The following PHF2 variants were observed in gnomAD, a reference collection of about 807,000 sequenced individuals.
PHF2 encodes PHD finger protein 2, also known as lysine-specific demethylase PHF2.
In PHF2, 27 loss-of-function variants were observed where a neutral mutation model predicts 120.5. The observed-to-expected ratio is 0.22, with a 90% CI of 0.17 to 0.31. The LOEUF is 0.31. Among genes scored for constraint, PHF2 ranks in the 10% least tolerant of loss-of-function variants. The probability of loss-of-function intolerance (pLI) is 1.00; values close to 1 mark genes in which losing one functional copy is unlikely to be tolerated. For synonymous variants in PHF2, 568 were observed against 592.5 expected (o/e 0.96, Z 0.60); for missense variants, 1,024 against 1,434.8 (o/e 0.71, Z 4.63).
At chr9:93,647,431 A>G (rs754881457) in intron 4 of PHF2, among the ~76,000 whole-genome samples, 5 of 151,976 alleles carry the variant, frequency 3.3e-5, no homozygotes, top group Non-Finnish European at 7.4e-5. Context: ...TGTTGCTTCT[A>G]TGTCTTTCTT....
At chr9:93,673,476 T>G (rs2118133494) in intron 17 of PHF2, 109 bp from the exon 18 acceptor site, 5 of 1,007,546 alleles carry the variant, frequency 5.0e-6, no homozygotes, top group Non-Finnish European at 5.6e-6. Flanking sequence ...GCCTGCCACC[T>G]GGGCCAGGAG....
At position 93,630,071 on chromosome 9, in the gene PHF2, C is replaced by CA. The variant is rs1825974391; in HGVS notation, c.184+18dup. ...AAGTCCACCTGTAAGTACCGCAGCCCAAGCGGCCATCTCTTGCGGAAGAGA... is the reference window on the plus strand; with the variant it reads ...AAGTCCACCTGTAAGTACCGCAGCCCAAAGCGGCCATCTCTTGCGGAAGAGA... On this transcript the variant is annotated intron_variant, in intron 2 of 21. Transcript: ENST00000359246. The CA allele has an allele frequency of 6.2e-7, 1 of 1,610,882 alleles. No individual in the cohort carries two copies. Among genetic ancestry groups the CA allele is most frequent in the South Asian group, 1.1e-5 (1 of 90,964 alleles).
chr9:93,618,964 A>G (rs1825779335), intron 1 of PHF2, among the ~76,000 whole-genome samples: 1 of 2,514 alleles, frequency 4.0e-4, no homozygotes, highest in African/African-American at 1.6e-3. Context: ...CCCAGGCCTC[A>G]CTCTAGTGCT....
intron 1 of PHF2, among the ~76,000 whole-genome samples, chr9:93,604,273 C>A (rs1243797881): frequency 2.7e-5 from 4 of 150,648 alleles, no homozygotes; most frequent in African/African-American, 9.7e-5. Flanking sequence ...GTGGGAGGAG[C>A]CCTGGAGGAG....
At position 93,677,798 on chromosome 9, in the gene PHF2, C is replaced by T. The variant is rs1826947325; in HGVS notation, c.*122C>T. On this transcript the variant is annotated 3_prime_UTR_variant, in exon 22 of 22. Transcript: ENST00000359246. The surrounding 1 kb of genome is among the most constrained non-coding windows in gnomAD (Gnocchi z 4.4). ...GAGGGCCTTGCCTCTTCCCGGCTGC[C>T]ATCTCCCCAACAAGCGTCTGTCCCT... The T allele has an allele frequency of 5.8e-6, 4 of 691,884 alleles. No homozygotes were observed. The highest frequency in any genetic ancestry group is 1.0e-5 in the Non-Finnish European group (4 of 394,966). 42.9% of individuals were successfully genotyped at this position (691,884 alleles called of 1,614,324 possible).
At chr9:93,620,036 G>T (rs1825799988) in intron 1 of PHF2, among the ~76,000 whole-genome samples, 1 of 152,206 alleles carries the variant, frequency 6.6e-6, no homozygotes, top group Admixed American at 6.5e-5. Context: ...TCAGCCAAAT[G>T]CCCTGCTCTC....
At chr9:93,654,338 G>A (rs758099306) in intron 6 of PHF2, 75 bp from the exon 7 acceptor site, 14 of 1,462,052 alleles carry the variant, frequency 9.6e-6, no homozygotes, top group African/African-American at 6.9e-5. Flanking sequence ...TACTTTTCAC[G>A]TTAGGACCTG....
intron 1 of PHF2, among the ~76,000 whole-genome samples, chr9:93,579,357 T>A (rs745871094): frequency 7.9e-5 from 12 of 152,174 alleles, no homozygotes; most frequent in Non-Finnish European, 1.3e-4. Context: ...ACAAAAGAGT[T>A]CCAAAAATGG....
intron 4 of PHF2, among the ~76,000 whole-genome samples, chr9:93,646,543 T>C (rs1282406489): frequency 6.6e-6 from 1 of 152,204 alleles, no homozygotes; most frequent in Admixed American, 6.5e-5. Flanking sequence ...GCAGGCACAC[T>C]GGCCTCTCAG....
intron 1 of PHF2, among the ~76,000 whole-genome samples, chr9:93,601,487 A>G (rs1825437271): frequency 6.6e-6 from 1 of 152,108 alleles, no homozygotes; most frequent in Non-Finnish European, 1.5e-5. Flanking sequence ...TCTTTATTTG[A>G]TAAATAAAAG....
At chr9:93,578,900 C>T (rs935894324) in intron 1 of PHF2, among the ~76,000 whole-genome samples, 1 of 152,174 alleles carries the variant, frequency 6.6e-6, no homozygotes, top group Non-Finnish European at 1.5e-5. Flanking sequence ...TTATTCTCAC[C>T]TATTTGGGGT....
chr9:93,617,328 C>T (rs1825745553), intron 1 of PHF2, among the ~76,000 whole-genome samples: 1 of 152,198 alleles, frequency 6.6e-6, no homozygotes, highest in Non-Finnish European at 1.5e-5. Flanking sequence ...GTGAGAAAGC[C>T]ACTGTGTCCT....
In PHF2 at chr9:93,587,396, C is replaced by T. The variant is rs894086098; in HGVS notation, c.98+10525C>T. On this transcript the variant is annotated intron_variant, in intron 1 of 21. Transcript: ENST00000359246. ...GGACGGAGGAGCCTCAGATGAGGGACGGAGGAGCCCCAGGTGAGGGACGGA... is the reference window on the plus strand; with the variant it reads ...GGACGGAGGAGCCTCAGATGAGGGATGGAGGAGCCCCAGGTGAGGGACGGA... Among the ~76,000 whole-genome samples, 13 of 127,764 alleles carry T rather than the reference C, an allele frequency of 1.0e-4. 1 individual carries two copies. Among genetic ancestry groups the T allele is most frequent in the Middle Eastern group, 7.1e-3 (1 of 140 alleles). The allele number at this position is 127,764 out of a possible 152,430, so 83.8% of individuals were successfully genotyped here. A position where few individuals can be genotyped will look rare whatever the true frequency, so the allele number is the denominator to read the frequency against.
At position 93,656,440 on chromosome 9, in the gene PHF2, G is replaced by T; in HGVS notation, c.1041-49G>T. ...GGGGCCTGGATTGATGCCCAGCGTC[G>T]CCTGCTTGATGGTCAGTGCACTGAG... On this transcript the variant is annotated intron_variant, in intron 8 of 21. Transcript: ENST00000359246. The surrounding 1 kb of genome is among the most constrained non-coding windows in gnomAD (Gnocchi z 4.1). The T allele has an allele frequency of 7.6e-7, 1 of 1,313,158 alleles. No homozygotes were observed. The highest frequency in any genetic ancestry group is 1.1e-6 in the Non-Finnish European group (1 of 909,320). 81.3% of individuals were successfully genotyped at this position (1,313,158 alleles called of 1,614,324 possible). A position where few individuals can be genotyped will look rare whatever the true frequency, so the allele number is the denominator to read the frequency against.
At chr9:93,599,833 G>A (rs10992797) in intron 1 of PHF2, among the ~76,000 whole-genome samples, 54,204 of 152,178 alleles carry the variant, frequency 0.36, 10,007 homozygotes, top group Non-Finnish European at 0.4. Context: ...TCCCAGTTCC[G>A]TTGATCTGAA....
rs1298862366 is a variant in PHF2 at position 93,656,661 on chromosome 9, G to T, written c.1147+66G>T. ...TTGGCTGTGGGGGCAGCCAGACCTGGTCAGGGCTGACTGTCTGGGTGTGAG... is the reference window on the plus strand; with the variant it reads ...TTGGCTGTGGGGGCAGCCAGACCTGTTCAGGGCTGACTGTCTGGGTGTGAG... On this transcript the variant is annotated intron_variant, in intron 9 of 21. Transcript: ENST00000359246. The surrounding 1 kb of genome is among the most constrained non-coding windows in gnomAD (Gnocchi z 4.1). 1.8e-6 allele frequency: 2 copies of T among 1,110,400 alleles called. No homozygotes were observed. The highest frequency in any genetic ancestry group is 3.1e-5 in the African/African-American group (2 of 65,558). 68.8% of individuals were successfully genotyped at this position (1,110,400 alleles called of 1,614,324 possible).
At chr9:93,623,199 G>C (rs1825853302) in intron 1 of PHF2, among the ~76,000 whole-genome samples, 1 of 152,184 alleles carries the variant, frequency 6.6e-6, no homozygotes, top group African/African-American at 2.4e-5. Context: ...GTGCAATGTG[G>C]ATTCTGGGTC....
chr9:93,645,824 G>A lies in PHF2; in HGVS notation c.460+35G>A, dbSNP rs146257713. The A allele has an allele frequency of 5.7e-5, 88 of 1,532,968 alleles. No homozygotes were observed. In the African/African-American group the frequency reaches 1.1e-3, roughly 19 times the overall value. 95.0% of individuals were successfully genotyped at this position (1,532,968 alleles called of 1,614,324 possible). ...ATCCCCTTCACAGTGCTCTGGGGCTGGAGCTGGGAGTGCTGGGACACCCAC... is the reference window on the plus strand; with the variant it reads ...ATCCCCTTCACAGTGCTCTGGGGCTAGAGCTGGGAGTGCTGGGACACCCAC... On this transcript the variant is annotated intron_variant, in intron 4 of 21. Coordinates refer to ENST00000359246, the MANE Select transcript of PHF2 (RefSeq NM_005392.4).
chr9:93,675,061 C>T (rs1214443177), intron 19 of PHF2, 39 bp downstream of exon 19: 3 of 1,497,292 alleles, frequency 2.0e-6, no homozygotes, highest in Non-Finnish European at 2.8e-6. Flanking sequence ...ACCTGACACC[C>T]AGTGTGGAAG....
Sources: gnomAD v4.1 joint callset for allele counts (sites outside exome capture counted in the v4.1 genomes callset) on GRCh38, gnomAD v4.1.1 for gene constraint, Gnocchi (gnomAD v3.1) non-coding constraint, MANE v1.5 for transcripts, NCBI Gene and HGNC (gene_info 2026-07-23, HGNC 2026-07-21) for gene names.